The following COL8A1 variants were observed in gnomAD, a reference collection of about 807,000 sequenced individuals.
COL8A1 encodes collagen type VIII alpha 1 chain, also known as collagen alpha-1(VIII) chain.
COL8A1 carries 21 observed loss-of-function variants against 42.7 expected under a neutral mutation model. The observed-to-expected ratio is 0.49, with a 90% confidence interval of 0.35 to 0.71. The LOEUF is 0.71. Ranked by LOEUF, COL8A1 falls within the 30% of genes least tolerant of loss-of-function variation. COL8A1 has a pLI of 0.01. For missense variants in COL8A1, 788 were observed against 962.4 expected, an observed-to-expected ratio of 0.82 and a Z score of 2.40; for synonymous variants, 367 against 369.1, an observed-to-expected ratio of 0.99 and a Z score of 0.06.
At chr3:99,722,478 A>C (rs1162335265) in intron 1 of COL8A1, among the ~76,000 whole-genome samples, 1 of 152,154 alleles carries the variant, frequency 6.6e-6, no homozygotes, top group Non-Finnish European at 1.5e-5. Flanking sequence ...AAAATATGTA[A>C]GTTATGCCTC....
intron 1 of COL8A1, among the ~76,000 whole-genome samples, chr3:99,700,519 G>A (rs1353770196): frequency 1.3e-5 from 2 of 152,044 alleles, no homozygotes; most frequent in Non-Finnish European, 2.9e-5. Context: ...ACCTTCTACT[G>A]TGAGAGGAGA....
intron 1 of COL8A1, among the ~76,000 whole-genome samples, chr3:99,695,312 A>C (rs1368009339): frequency 6.6e-6 from 1 of 152,202 alleles, no homozygotes; most frequent in Non-Finnish European, 1.5e-5. Context: ...GAAAATGGTA[A>C]ATTTAAGAGA....
chr3:99,720,564 C>T (rs1429502229), intron 1 of COL8A1, among the ~76,000 whole-genome samples: 1 of 152,084 alleles, frequency 6.6e-6, no homozygotes, highest in Admixed American at 6.6e-5. Flanking sequence ...TATAGATCCT[C>T]AATAGGATAT....
At chr3:99,768,788 C>T (rs1308921129) in intron 2 of COL8A1, among the ~76,000 whole-genome samples, 1 of 152,230 alleles carries the variant, frequency 6.6e-6, no homozygotes, top group East Asian at 1.9e-4. Flanking sequence ...CAGAAACTCT[C>T]CATCTGCCCA....
chr3:99,661,332 A>G (rs893939238), intron 1 of COL8A1, among the ~76,000 whole-genome samples: 5 of 152,222 alleles, frequency 3.3e-5, no homozygotes, highest in Non-Finnish European at 5.9e-5. Context: ...AGATATACAA[A>G]TGGTCAACAA....
chr3:99,651,642 T>A (rs1355463307), intron 1 of COL8A1, among the ~76,000 whole-genome samples: 1 of 152,250 alleles, frequency 6.6e-6, no homozygotes, highest in Non-Finnish European at 1.5e-5. Flanking sequence ...TGATCAAACA[T>A]TCTGTCTGCA....
chr3:99,769,397 T>G (rs1476302348), intron 2 of COL8A1, among the ~76,000 whole-genome samples: 3 of 152,232 alleles, frequency 2.0e-5, no homozygotes, highest in African/African-American at 7.2e-5. Context: ...GTGCAGACAT[T>G]CTGCTATCTG....
chr3:99,741,679 T>C (rs546400458), intron 1 of COL8A1, among the ~76,000 whole-genome samples: 2 of 152,332 alleles, frequency 1.3e-5, no homozygotes, highest in East Asian at 3.9e-4. Context: ...TACAAATGGC[T>C]TCTCCTGCGT....
chr3:99,665,426 G>C (rs1408174814), intron 1 of COL8A1, among the ~76,000 whole-genome samples: 2 of 152,142 alleles, frequency 1.3e-5, no homozygotes, highest in African/African-American at 2.4e-5. Flanking sequence ...GGTTCTTCTG[G>C]GGTCTCTTAG....
intron 3 of COL8A1, among the ~76,000 whole-genome samples, chr3:99,792,352 A>C (rs933359652): frequency 7.2e-5 from 11 of 152,198 alleles, no homozygotes; most frequent in African/African-American, 2.7e-4. Flanking sequence ...CTCAGCAAAA[A>C]GTACAATGGT....
At chr3:99,726,644 C>T (rs1940337376) in intron 1 of COL8A1, among the ~76,000 whole-genome samples, 1 of 152,126 alleles carries the variant, frequency 6.6e-6, no homozygotes, top group Non-Finnish European at 1.5e-5. Context: ...ATCCAGTTTT[C>T]CCAGCACCAT....
chr3:99,645,193 G>A (rs1937619586), intron 1 of COL8A1, among the ~76,000 whole-genome samples: 1 of 152,166 alleles, frequency 6.6e-6, no homozygotes, highest in South Asian at 2.1e-4. Flanking sequence ...GTACATTATT[G>A]TATTTCTTTA....
intron 1 of COL8A1, among the ~76,000 whole-genome samples, chr3:99,741,608 T>G (rs1360684014): frequency 2.0e-5 from 3 of 152,188 alleles, no homozygotes; most frequent in African/African-American, 7.2e-5. Flanking sequence ...CTCACATGTT[T>G]AGTACCCTGG....
chr3:99,717,544 C>G (rs1212811091), intron 1 of COL8A1, among the ~76,000 whole-genome samples: 1 of 151,968 alleles, frequency 6.6e-6, no homozygotes, highest in Non-Finnish European at 1.5e-5. Flanking sequence ...AATCACAAAT[C>G]TTAACTGCTC....
chr3:99,641,034 C>T (rs1297531918), intron 1 of COL8A1, among the ~76,000 whole-genome samples: 2 of 152,128 alleles, frequency 1.3e-5, no homozygotes, highest in Non-Finnish European at 2.9e-5. Flanking sequence ...GCTGATCCTA[C>T]AGAAATGTGC....
intron 2 of COL8A1, among the ~76,000 whole-genome samples, chr3:99,767,263 T>A (rs534292990): frequency 6.6e-6 from 1 of 152,338 alleles, no homozygotes; most frequent in African/African-American, 2.4e-5. Context: ...TGCCACCATT[T>A]ATTAATCTTA....
At chr3:99,758,010 C>T (rs1941288416) in intron 2 of COL8A1, among the ~76,000 whole-genome samples, 1 of 152,084 alleles carries the variant, frequency 6.6e-6, no homozygotes, top group South Asian at 2.1e-4. Flanking sequence ...CCAAAGTAAT[C>T]ATGGTTTTTG....
At position 99,794,916 on chromosome 3, in the gene COL8A1, C is replaced by T; in HGVS notation, c.1015C>T (p.Pro339Ser). The change falls in exon 4 of 4, where the codon CCA becomes TCA. Residue 339 changes from proline (P) to serine (S), a missense_variant. By Grantham distance (74) the Pro-to-Ser change is moderately conservative (BLOSUM62 -1). This residue lies in a region of COL8A1 where 421 missense variants were observed against 553.1 expected (regional missense o/e 0.76). Coordinates refer to ENST00000652472, the MANE Select transcript of COL8A1 (RefSeq NM_020351.4). This position sits in a 1 kb window ranked among gnomAD's most constrained non-coding sequence, Gnocchi z 4.3. ...FPGGKGEQGL[P>S]GLPGPPGLPG... ...AGGTGGCAAAGGGGAGCAAGGACTG[C>T]CAGGGCTACCAGGACCCCCAGGCCT... The T allele has an allele frequency of 1.9e-6, 3 of 1,595,930 alleles. No individual in the cohort carries two copies. Among genetic ancestry groups the T allele is most frequent in the Non-Finnish European group, 2.6e-6 (3 of 1,171,888 alleles).
chr3:99,791,546 A>C (rs1335347890), intron 3 of COL8A1, among the ~76,000 whole-genome samples: 1 of 152,238 alleles, frequency 6.6e-6, no homozygotes, highest in Non-Finnish European at 1.5e-5. Context: ...GAAGGAAACT[A>C]AGAGTATAGA....
Sources: allele counts gnomAD v4.1 joint callset (sites outside exome capture counted in the v4.1 genomes callset), GRCh38; gene constraint gnomAD v4.1.1; regional missense constraint gnomAD v4.1.1; non-coding constraint Gnocchi (gnomAD v3.1); transcripts MANE v1.5; gene names NCBI Gene and HGNC (gene_info 2026-07-23, HGNC 2026-07-21).